LMF1: variants seen among roughly 807,000 people sequenced by gnomAD.
LMF1 encodes lipase maturation factor 1.
A neutral mutation model predicts 60.6 loss-of-function variants in LMF1; 68 were observed. The ratio of observed to expected loss-of-function variants is 1.12; its 90% CI spans 0.92 to 1.37. The LOEUF (loss-of-function observed/expected upper bound fraction) is 1.37. Among genes scored for constraint, LMF1 ranks in the 40% most tolerant of loss-of-function variants. LMF1 has a pLI of 0.00. For synonymous variants in LMF1, 418 were observed against 324.7 expected (o/e 1.29, Z -3.09); for missense variants, 948 against 767.2 (o/e 1.24, Z -2.78).
intron 4 of LMF1, among the ~76,000 whole-genome samples, chr16:905,700 T>A (rs2070957372): frequency 6.6e-6 from 1 of 152,210 alleles, no homozygotes; most frequent in Non-Finnish European, 1.5e-5. Context: ...TATTTTCTCC[T>A]GATCTGTGCC....
At chr16:930,828 GAA>G (rs1277692077) in intron 3 of LMF1, among the ~76,000 whole-genome samples, 3 of 152,186 alleles carry the variant, frequency 2.0e-5, no homozygotes, top group Admixed American at 6.5e-5. Context: ...GCTGGGCTGA[GAA>G]TGGTCTGGGG....
chr16:953,251 A>G (rs1597066185), intron 2 of LMF1, among the ~76,000 whole-genome samples: 1 of 84,758 alleles, frequency 1.2e-5, no homozygotes, highest in Non-Finnish European at 2.5e-5. Context: ...CCACACAGAC[A>G]CCCACCCCAA....
upstream of LMF1, among the ~76,000 whole-genome samples, chr16:975,168 C>T (rs2073111547): frequency 6.6e-6 from 1 of 152,172 alleles, no homozygotes; most frequent in Admixed American, 6.5e-5. Context: ...GGCTACAGGT[C>T]ACGAGTGTTC....
intron 4 of LMF1, among the ~76,000 whole-genome samples, chr16:908,867 C>T (rs891875579): frequency 1.1e-4 from 17 of 152,234 alleles, no homozygotes; most frequent in Admixed American, 1.0e-3. Flanking sequence ...TGCCCACCAC[C>T]CCCGTGCGGC....
At chr16:875,787 C>T (rs1459479719) in intron 6 of LMF1, among the ~76,000 whole-genome samples, 2 of 152,212 alleles carry the variant, frequency 1.3e-5, no homozygotes, top group Non-Finnish European at 2.9e-5. Context: ...TCTGTGTTCT[C>T]CACCGGCAGG....
chr16:922,442 G>A (rs549367129), intron 3 of LMF1, among the ~76,000 whole-genome samples: 7 of 152,372 alleles, frequency 4.6e-5, no homozygotes, highest in South Asian at 2.1e-4. Context: ...GACAGCACAC[G>A]GGCGTCCACC....
intron 3 of LMF1, among the ~76,000 whole-genome samples, chr16:924,962 C>T (rs371686579): frequency 6.6e-5 from 10 of 152,322 alleles, no homozygotes; most frequent in East Asian, 5.8e-4. Flanking sequence ...GCAAGGCCAC[C>T]GCACAGACTG....
rs560688155 is a variant in LMF1 at position 882,111 on chromosome 16, G to A, written c.730-2374C>T. 2.2e-4 allele frequency among the ~76,000 whole-genome samples: 34 copies of A among 152,342 alleles called. 1 individual carries two copies. Among genetic ancestry groups the A allele is most frequent in the African/African-American group, 6.0e-4 (25 of 41,582 alleles). Reference sequence around the variant, plus strand: ...AAGGGCCACAGCAGGGACACAGTGCGATGCCTTTGTGGACGTGGAACCCCC... The same window carrying A: ...AAGGGCCACAGCAGGGACACAGTGCAATGCCTTTGTGGACGTGGAACCCCC... On this transcript the variant is annotated intron_variant, in intron 5 of 10. Coordinates refer to ENST00000262301, the MANE Select transcript of LMF1 (RefSeq NM_022773.4).
intron 4 of LMF1, among the ~76,000 whole-genome samples, chr16:907,083 T>A (rs1490525233): frequency 1.3e-5 from 2 of 152,248 alleles, no homozygotes; most frequent in Non-Finnish European, 2.9e-5. Context: ...ATTTTCATTT[T>A]GACATTTTCT....
At chr16:934,397 G>A in intron 2 of LMF1, 143 bp from the exon 3 acceptor site, 1 of 966,512 alleles carries the variant, frequency 1.0e-6, no homozygotes, top group Non-Finnish European at 1.6e-6. Flanking sequence ...CCTGCCCGCT[G>A]GGCATTAGGG....
chr16:977,934 C>T (rs1380761000), intron 1 of LMF1, among the ~76,000 whole-genome samples: 6 of 147,230 alleles, frequency 4.1e-5, no homozygotes, highest in Non-Finnish European at 6.0e-5. Flanking sequence ...CACACACATA[C>T]ATCATACACA....
At chr16:979,936 G>C (rs899668236) in intron 1 of LMF1, 4 of 362,058 alleles carry the variant, frequency 1.1e-5, no homozygotes, top group African/African-American at 2.1e-5. Flanking sequence ...ACCCCGAGCG[G>C]AGGGCAGGGC....
intron 10 of LMF1, among the ~76,000 whole-genome samples, chr16:861,359 T>C (rs986445897): frequency 5.3e-4 from 77 of 145,366 alleles, no homozygotes; most frequent in East Asian, 9.8e-4. Context: ...TCTTTCTTTT[T>C]TTTTTTTTTT....
In LMF1 at chr16:947,620, G is replaced by A. The variant is rs1304115146; in HGVS notation, c.503+6737C>T. The A allele has an allele frequency of 1.1e-5, 5 of 455,942 alleles. No homozygotes were observed. The Admixed American group carries it at 1.2e-4, about 11-fold the overall frequency. 28.2% of individuals were successfully genotyped at this position (455,942 alleles called of 1,614,324 possible). On this transcript the variant is annotated intron_variant, in intron 2 of 10. Coordinates refer to ENST00000262301, the MANE Select transcript of LMF1 (RefSeq NM_022773.4). ...GGACCCCTGAGGTGTCCTGACTTTGGTCCAAGTTTCTGGAGAGGATCTTTC... is the reference window on the plus strand; with the variant it reads ...GGACCCCTGAGGTGTCCTGACTTTGATCCAAGTTTCTGGAGAGGATCTTTC...
At chr16:866,358 C>T (rs748010350) in intron 10 of LMF1, among the ~76,000 whole-genome samples, 3 of 152,116 alleles carry the variant, frequency 2.0e-5, no homozygotes, top group Non-Finnish European at 2.9e-5. Flanking sequence ...GGGTGGGAGT[C>T]GTGGCTCTGC....
chr16:876,144 A>G (rs892870683), intron 6 of LMF1, among the ~76,000 whole-genome samples: 2 of 152,222 alleles, frequency 1.3e-5, no homozygotes, highest in Admixed American at 6.5e-5. Flanking sequence ...CTGAGTGGAG[A>G]AACAAACCGG....
intron 2 of LMF1, among the ~76,000 whole-genome samples, chr16:938,249 C>T (rs1433653404): frequency 6.6e-6 from 1 of 152,172 alleles, no homozygotes; most frequent in Non-Finnish European, 1.5e-5. Flanking sequence ...CACAGGGAAG[C>T]GCTAGACTGA....
upstream of LMF1, among the ~76,000 whole-genome samples, chr16:974,589 G>C (rs541699405): frequency 6.6e-6 from 1 of 152,202 alleles, no homozygotes; most frequent in African/African-American, 2.4e-5. Flanking sequence ...CTGCCTCCCC[G>C]GAGACCGACC....
chr16:915,626 A>G (rs760719790), intron 3 of LMF1, among the ~76,000 whole-genome samples: 2 of 151,940 alleles, frequency 1.3e-5, no homozygotes, highest in African/African-American at 2.4e-5. Context: ...AGCCTTGGCG[A>G]CCCCAGTCAG....
Sources: gnomAD v4.1 joint callset for allele counts (sites outside exome capture counted in the v4.1 genomes callset) on GRCh38, gnomAD v4.1.1 for gene constraint, MANE v1.5 for transcripts, NCBI Gene and HGNC (gene_info 2026-07-23, HGNC 2026-07-21) for gene names.